Variants in OGDHL observed in about 807,000 individuals in gnomAD.
OGDHL encodes the protein 2-oxoglutarate dehydrogenase-like, mitochondrial.
A neutral mutation model predicts 109.6 loss-of-function variants in OGDHL; 79 were observed. The ratio of observed to expected loss-of-function variants is 0.72; its 90% CI spans 0.60 to 0.87. The LOEUF is 0.87. Ranked by LOEUF, OGDHL falls within the 40% of genes least tolerant of loss-of-function variation. OGDHL has a pLI of 0.00. For missense variants in OGDHL, 1,275 were observed against 1,362.2 expected (o/e 0.94, Z 1.01); for synonymous variants, 528 against 537.2 (o/e 0.98, Z 0.24).
Position 49,749,947 on chromosome 10 carries a change from C to T in OGDHL, c.897-131G>A. On this transcript the variant is annotated intron_variant, in intron 7 of 22. Transcript: ENST00000374103. ...CAGAGCCCTCCTCAGGCCACCCAAT[C>T]ACCAGGCACCATCCTCTCCTGCTGC... is the stretch of plus-strand genomic sequence containing the variant. 1.5e-5 allele frequency: 10 copies of T among 684,168 alleles called. No homozygotes were observed. The South Asian group carries it at 1.7e-4, about 12-fold the overall frequency. 42.4% of individuals were successfully genotyped at this position (684,168 alleles called of 1,614,324 possible).
At position 49,741,498 on chromosome 10, in the gene OGDHL, A is replaced by C. The variant is rs546931905; in HGVS notation, c.2013-661T>G. Reference sequence around the variant, plus strand: ...ACCCTGGCTTGCTAACCAGGAGCGGACTGAGGCAGGATCTAGAACATTTTA... The same window carrying C: ...ACCCTGGCTTGCTAACCAGGAGCGGCCTGAGGCAGGATCTAGAACATTTTA... On this transcript the variant is annotated intron_variant, in intron 15 of 22. Coordinates refer to ENST00000374103, the MANE Select transcript of OGDHL (RefSeq NM_018245.3). 3.4e-4 allele frequency among the ~76,000 whole-genome samples: 52 copies of C among 152,214 alleles called. 1 individual carries two copies. Among genetic ancestry groups the C allele is most frequent in the Middle Eastern group, 6.8e-3 (2 of 294 alleles).
intron 15 of OGDHL, among the ~76,000 whole-genome samples, 191 bp from the exon 16 acceptor site, chr10:49,741,028 TCCCCCACCAGGCCTCCCCAGCCTGC>T (rs1841616534): frequency 6.6e-6 from 1 of 151,942 alleles, no homozygotes; most frequent in African/African-American, 2.4e-5. Flanking sequence ...CTGCAGCCTG[TCCCCCACCAGGCCTCCCCAGCCTGC>T]CCCCTGCCTG....
chr10:49,747,601 G>T (rs1171000742), intron 8 of OGDHL, among the ~76,000 whole-genome samples: 3 of 152,186 alleles, frequency 2.0e-5, no homozygotes, highest in Non-Finnish European at 4.4e-5. Context: ...GTAGCAATGA[G>T]GAACACACAA....
At position 49,744,744 on chromosome 10, in the gene OGDHL, A is replaced by C; in HGVS notation, c.1638T>G (p.Ile546Met). Residue 546 changes from isoleucine (I) to methionine (M), a missense_variant, in exon 13 of 23, where the codon ATT becomes ATG. By Grantham distance (10) the Ile-to-Met change is conservative (BLOSUM62 1). Transcript: ENST00000374103. ...CCTCACAGATCCGGTCGTATTTGGC[A>C]ATTTCTTCCTGGAATCAGGATGAAG... ...TVTLQEFEEE[I>M]AKYDRICEEA... is the part of the protein sequence containing the mutation. The C allele has an allele frequency of 6.2e-7, 1 of 1,614,108 alleles. No homozygotes were observed. The highest frequency in any genetic ancestry group is 8.5e-7 in the Non-Finnish European group (1 of 1,179,936).
chr10:49,746,261 C>T (rs916128245), intron 10 of OGDHL, among the ~76,000 whole-genome samples: 4 of 152,196 alleles, frequency 2.6e-5, no homozygotes, highest in East Asian at 1.9e-4. Context: ...GTCCTAACAA[C>T]GGCTAACTGC....
intron 10 of OGDHL, 100 bp downstream of exon 10, chr10:49,746,650 G>T: frequency 2.0e-6 from 3 of 1,476,240 alleles, no homozygotes; most frequent in Non-Finnish European, 2.8e-6. Context: ...GCACAGCAGT[G>T]GGCTCAGAGC....
intron 17 of OGDHL, chr10:49,738,638 T>C (rs1484603623): frequency 3.4e-6 from 1 of 290,976 alleles, no homozygotes; most frequent in Non-Finnish European, 6.7e-6. Context: ...AGTAGCCCCA[T>C]GATGCAGACA....
At chr10:49,741,169 G>A (rs1433336180) in intron 15 of OGDHL, among the ~76,000 whole-genome samples, 1 of 152,110 alleles carries the variant, frequency 6.6e-6, no homozygotes, top group African/African-American at 2.4e-5. Context: ...GACCTGATAA[G>A]ACACTTCCCA....
chr10:49,742,257 C>A (rs1342657570), intron 15 of OGDHL, among the ~76,000 whole-genome samples: 10 of 142,562 alleles, frequency 7.0e-5, no homozygotes, highest in African/African-American at 2.6e-4. Context: ...ACCACACATA[C>A]CCCATACACA....
intron 8 of OGDHL, among the ~76,000 whole-genome samples, chr10:49,747,589 T>TGA (rs1842290820): frequency 6.6e-6 from 1 of 152,162 alleles, no homozygotes; most frequent in Non-Finnish European, 1.5e-5. Context: ...CTCACACCAA[T>TGA]GGTAGCAATG....
Position 49,740,845 on chromosome 10 carries a change from G to C in OGDHL, c.2013-8C>G, listed in dbSNP as rs1371131017. 3.1e-6 allele frequency: 5 copies of C among 1,613,770 alleles called. No individual in the cohort carries two copies. The highest frequency in any genetic ancestry group is 2.2e-5 in the South Asian group (2 of 91,064). Reference sequence around the variant, plus strand: ...AGAACATGGTGCCGGTGACTGCAGAGACACAGACCGGGGCAGGGACAGAGG... The same window carrying C: ...AGAACATGGTGCCGGTGACTGCAGACACACAGACCGGGGCAGGGACAGAGG... On this transcript the variant is annotated splice_polypyrimidine_tract_variant and splice_region_variant and intron_variant, in intron 15 of 22. Transcript: ENST00000374103.
chr10:49,749,903 A>C (rs1349559314), intron 7 of OGDHL, 87 bp from the exon 8 acceptor site: 8 of 1,147,824 alleles, frequency 7.0e-6, no homozygotes, highest in Non-Finnish European at 8.7e-6. Context: ...GGCCTGGCCT[A>C]ATACAGCCCC....
chr10:49,762,038 C>T (rs1022237651), intron 1 of OGDHL, among the ~76,000 whole-genome samples: 3 of 152,192 alleles, frequency 2.0e-5, no homozygotes, highest in Non-Finnish European at 2.9e-5. Context: ...GGCTGGGGGT[C>T]CCGGGGGAGG....
chr10:49,740,471 C>T (rs529453651), intron 16 of OGDHL, among the ~76,000 whole-genome samples: 1 of 152,094 alleles, frequency 6.6e-6, no homozygotes, highest in South Asian at 2.1e-4. Flanking sequence ...ACCCACAAAA[C>T]CCCTCAAGGC....
At position 49,736,082 on chromosome 10, in the gene OGDHL, G is replaced by A. The variant is rs1197153373; in HGVS notation, c.2850C>T (p.Gly950=). 1 of 1,611,822 alleles carries A rather than the reference G, an allele frequency of 6.2e-7. No homozygotes were observed. The highest frequency in any genetic ancestry group is 1.1e-5 in the South Asian group (1 of 90,664). Residue 950 remains glycine (G), a synonymous_variant, in exon 22 of 23, where the codon GGC becomes GGT. Transcript: ENST00000374103. ...AWCQEEHKNM[G]YYDYISPRFM... is the part of the protein sequence containing the mutation. ...AGCGTGGGCTGATGTAGTCATAGTA[G>A]CCCATGTTCTTGTGCTCCTCCTGAC...
intron 14 of OGDHL, among the ~76,000 whole-genome samples, chr10:49,743,269 C>A (rs1841929338): frequency 6.6e-6 from 1 of 152,244 alleles, no homozygotes; most frequent in Non-Finnish European, 1.5e-5. Flanking sequence ...TGTCAAGGTA[C>A]ACGGATTTGA....
chr10:49,740,853 C>T lies in OGDHL; in HGVS notation c.2013-16G>A. ...GTGCCGGTGACTGCAGAGACACAGACCGGGGCAGGGACAGAGGGCAGGTGG... is the reference window on the plus strand; with the variant it reads ...GTGCCGGTGACTGCAGAGACACAGATCGGGGCAGGGACAGAGGGCAGGTGG... On this transcript the variant is annotated splice_polypyrimidine_tract_variant and intron_variant, in intron 15 of 22. Coordinates refer to ENST00000374103, the MANE Select transcript of OGDHL (RefSeq NM_018245.3). The T allele has an allele frequency of 1.9e-6, 3 of 1,613,516 alleles. No individual in the cohort carries two copies. Among genetic ancestry groups the T allele is most frequent in the Non-Finnish European group, 2.5e-6 (3 of 1,179,698 alleles).
At chr10:49,743,373 G>A (rs951251421) in intron 14 of OGDHL, among the ~76,000 whole-genome samples, 14 of 148,038 alleles carry the variant, frequency 9.5e-5, no homozygotes, top group African/African-American at 3.1e-4. Flanking sequence ...AACGCTGTCA[G>A]CAGCTGCCCC....
chr10:49,752,704 C>T lies in OGDHL; in HGVS notation c.412G>A (p.Gly138Ser), dbSNP rs372417089. The change falls in exon 4 of 23, where the codon GGC (glycine) becomes AGC (serine). Residue 138 changes from glycine (G) to serine (S), a missense_variant. Coordinates refer to ENST00000374103, the MANE Select transcript of OGDHL (RefSeq NM_018245.3). ...GAGTCCAGGTCTGCATCCAGAATGC[C>T]CAGGGGGTCCAGCTGGGCCACATGG... ...GHHVAQLDPLGILDADLDSFV... is the reference protein window; with the variant it reads ...GHHVAQLDPLSILDADLDSFV... The T allele has an allele frequency of 2.5e-6, 4 of 1,614,022 alleles. No homozygotes were observed. In the African/African-American group the frequency reaches 5.3e-5, roughly 22 times the overall value.
Sources: gnomAD v4.1 joint callset for allele counts (sites outside exome capture counted in the v4.1 genomes callset) on GRCh38, gnomAD v4.1.1 for gene constraint, MANE v1.5 for transcripts, NCBI Gene and HGNC (gene_info 2026-07-23, HGNC 2026-07-21) for gene names.